Variants in RANBP2 observed in about 807,000 individuals in gnomAD.
The protein encoded by RANBP2 is E3 SUMO-protein ligase RanBP2.
In RANBP2, 57 loss-of-function variants were observed where a neutral mutation model predicts 303.6. The ratio of observed to expected loss-of-function variants is 0.19; its 90% CI spans 0.15 to 0.23. The LOEUF (loss-of-function observed/expected upper bound fraction) is 0.23, where lower values mean the gene tolerates loss of function less well. RANBP2 is among the 10% of genes least tolerant of loss of function. RANBP2 has a pLI of 1.00. For missense variants in RANBP2, 3,138 were observed against 3,780.8 expected (o/e 0.83, Z 4.46); for synonymous variants, 1,167 against 1,301.5 (o/e 0.90, Z 2.23).
At chr2:109,198,370 A>G in the RANBP2 span, among the ~76,000 whole-genome samples, 2 of 50,216 alleles carry the variant, frequency 4.0e-5, no homozygotes, top group Non-Finnish European at 8.9e-5. Flanking sequence ...GTGACAACTT[A>G]AACAAAACTC....
At chr2:109,612,353 T>G in the RANBP2 span, among the ~76,000 whole-genome samples, 11 of 152,280 alleles carry the variant, frequency 7.2e-5, no homozygotes, top group African/African-American at 2.6e-4. Context: ...CATTAAGGGA[T>G]CCTCCTGGTC....
the RANBP2 span, among the ~76,000 whole-genome samples, chr2:109,689,023 C>T: frequency 1.8e-4 from 27 of 151,766 alleles, no homozygotes; most frequent in Middle Eastern, 3.4e-3. Flanking sequence ...TCTCCTGCCT[C>T]AGCCTCCCGA....
At chr2:108,922,825 G>T in the RANBP2 span, among the ~76,000 whole-genome samples, 1 of 152,158 alleles carries the variant, frequency 6.6e-6, no homozygotes, top group East Asian at 1.9e-4. Flanking sequence ...CTGGCCCTTC[G>T]TCATAAACAG....
chr2:109,106,355 A>G, the RANBP2 span, among the ~76,000 whole-genome samples: 1 of 152,120 alleles, frequency 6.6e-6, no homozygotes, highest in Admixed American at 6.5e-5. Context: ...TTCGTTTAAG[A>G]AATGTCCTGT....
the RANBP2 span, chr2:109,545,812 GTTCA>G: frequency 2.1e-6 from 3 of 1,424,176 alleles, no homozygotes; most frequent in Non-Finnish European, 2.7e-6. Flanking sequence ...TTTTTATTTT[GTTCA>G]TTCATTCATT....
chr2:109,573,075 C>T, the RANBP2 span, among the ~76,000 whole-genome samples: 1 of 152,278 alleles, frequency 6.6e-6, no homozygotes, highest in South Asian at 2.1e-4. Flanking sequence ...GGCAGATAGG[C>T]TCTTACTGGG....
chr2:108,888,557 G>T, the RANBP2 span, among the ~76,000 whole-genome samples: 1 of 151,766 alleles, frequency 6.6e-6, no homozygotes, highest in African/African-American at 2.4e-5. Context: ...TTATGTTTCT[G>T]GGAATTTATC....
At chr2:108,813,381 A>G in the RANBP2 span, among the ~76,000 whole-genome samples, 4 of 152,000 alleles carry the variant, frequency 2.6e-5, no homozygotes, top group African/African-American at 9.7e-5. Flanking sequence ...GGGATTCACC[A>G]TAATAATTTT....
the RANBP2 span, among the ~76,000 whole-genome samples, chr2:109,201,879 C>A: frequency 6.6e-6 from 1 of 152,220 alleles, no homozygotes; most frequent in East Asian, 1.9e-4. Flanking sequence ...TGTTGCTAAG[C>A]CTCCTACCAA....
At chr2:109,167,785 A>G in the RANBP2 span, among the ~76,000 whole-genome samples, 1 of 151,964 alleles carries the variant, frequency 6.6e-6, no homozygotes, top group South Asian at 2.1e-4. Context: ...GTTAGCCAGG[A>G]TGGTCTTGAT....
the RANBP2 span, among the ~76,000 whole-genome samples, chr2:109,317,159 T>C: frequency 4.3e-4 from 62 of 144,120 alleles, no homozygotes; most frequent in Non-Finnish European, 5.7e-4. Context: ...GTAAGTTTCA[T>C]GAAATGTTTT....
At chr2:109,543,491 G>A in the RANBP2 span, 3 of 152,032 alleles carry the variant, frequency 2.0e-5, no homozygotes, top group South Asian at 6.2e-4. Context: ...TCACCAATTG[G>A]GTAATTGTAT....
the RANBP2 span, among the ~76,000 whole-genome samples, chr2:109,411,876 G>A: frequency 7.4e-3 from 1,122 of 152,276 alleles, 8 homozygotes; most frequent in Non-Finnish European, 9.4e-3. Context: ...TATTTGCTTG[G>A]AGCTTTTGCC....
At chr2:108,940,847 G>T in the RANBP2 span, among the ~76,000 whole-genome samples, 1 of 152,148 alleles carries the variant, frequency 6.6e-6, no homozygotes, top group African/African-American at 2.4e-5. Flanking sequence ...TATTCTTATT[G>T]CTCAGATGAT....
the RANBP2 span, among the ~76,000 whole-genome samples, chr2:109,122,804 C>T: frequency 6.6e-6 from 1 of 152,110 alleles, no homozygotes; most frequent in African/African-American, 2.4e-5. Flanking sequence ...CCAGGAGTTC[C>T]AGGCTACAGT....
the RANBP2 span, among the ~76,000 whole-genome samples, chr2:109,676,598 T>A: frequency 6.6e-6 from 1 of 152,288 alleles, no homozygotes; most frequent in African/African-American, 2.4e-5. Context: ...CACCACAGGC[T>A]GGGAAACTTG....
chr2:109,481,783 C>T, the RANBP2 span, among the ~76,000 whole-genome samples: 4 of 152,182 alleles, frequency 2.6e-5, no homozygotes, highest in East Asian at 1.9e-4. Flanking sequence ...CCCTCTGCAC[C>T]GAGACAACTG....
At chr2:109,381,500 G>A in the RANBP2 span, among the ~76,000 whole-genome samples, 7 of 152,176 alleles carry the variant, frequency 4.6e-5, no homozygotes, top group African/African-American at 1.4e-4. Flanking sequence ...GGCCATCCAC[G>A]TCCACCTGCC....
the RANBP2 span, among the ~76,000 whole-genome samples, chr2:109,359,043 C>A: frequency 5.9e-5 from 9 of 152,098 alleles, 1 homozygote; most frequent in Admixed American, 4.6e-4. Flanking sequence ...ACTATCTTTT[C>A]TCCATTGTAT....
Sources: allele counts gnomAD v4.1 joint callset (sites outside exome capture counted in the v4.1 genomes callset), GRCh38; gene constraint gnomAD v4.1.1; transcripts MANE v1.5; gene names NCBI Gene and HGNC (gene_info 2026-07-23, HGNC 2026-07-21).